Variants in ZNF277 observed in about 807,000 individuals in gnomAD.
ZNF277 encodes the protein zinc finger protein 277, also known as nuclear receptor-interacting factor 4.
In ZNF277, 55 loss-of-function variants were observed where a neutral mutation model predicts 60.7. The ratio of observed to expected loss-of-function variants is 0.91; its 90% confidence interval spans 0.73 to 1.13. ZNF277 has a LOEUF of 1.13. Ranked by LOEUF, ZNF277 falls within the 50% of genes most tolerant of loss-of-function variation. The pLI, the probability that ZNF277 is intolerant of heterozygous loss-of-function variation, is 0.00. For synonymous variants in ZNF277, 178 were observed against 179.3 expected (o/e 0.99, Z 0.06); for missense variants, 510 against 523.0 (o/e 0.98, Z 0.24).
chr7:112,329,085 A>G (rs890321454), intron 6 of ZNF277, among the ~76,000 whole-genome samples: 7 of 152,314 alleles, frequency 4.6e-5, no homozygotes, highest in African/African-American at 1.7e-4. Flanking sequence ...ATTGTCAACT[A>G]TAAAAGAATA....
At chr7:112,329,519 G>GTT (rs1793176044) in intron 6 of ZNF277, among the ~76,000 whole-genome samples, 1 of 152,088 alleles carries the variant, frequency 6.6e-6, no homozygotes. Flanking sequence ...ATAGTGCATA[G>GTT]TAAGTGCTCA....
intron 1 of ZNF277, among the ~76,000 whole-genome samples, chr7:112,269,092 TGTTAGTC>T (rs1236219318): frequency 2.0e-5 from 3 of 152,180 alleles, no homozygotes; most frequent in Non-Finnish European, 4.4e-5. Context: ...AATTGCCTCT[TGTTAGTC>T]ATTAGTATAG....
intron 1 of ZNF277, among the ~76,000 whole-genome samples, chr7:112,221,739 G>A (rs1207317987): frequency 4.6e-5 from 7 of 152,066 alleles, no homozygotes. Context: ...AGAGTCTAAT[G>A]CTGACACTAA....
chr7:112,214,276 A>G (rs902657109), intron 1 of ZNF277, among the ~76,000 whole-genome samples: 1 of 152,248 alleles, frequency 6.6e-6, no homozygotes, highest in African/African-American at 2.4e-5. Flanking sequence ...TATAGAAACA[A>G]GCAATGTGCA....
chr7:112,291,117 A>G (rs543802136), intron 2 of ZNF277, among the ~76,000 whole-genome samples: 9 of 152,308 alleles, frequency 5.9e-5, no homozygotes, highest in African/African-American at 1.9e-4. Context: ...AAATCTTTCC[A>G]TTGAGTCCAT....
chr7:112,235,936 G>A (rs1370623722), intron 1 of ZNF277, among the ~76,000 whole-genome samples: 1 of 151,862 alleles, frequency 6.6e-6, no homozygotes, highest in Non-Finnish European at 1.5e-5. Context: ...GATCAGTTTT[G>A]AGTTAATTTT....
At chr7:112,235,670 C>A (rs1822468608) in intron 1 of ZNF277, among the ~76,000 whole-genome samples, 3 of 151,902 alleles carry the variant, frequency 2.0e-5, no homozygotes, top group African/African-American at 7.2e-5. Flanking sequence ...TGTATCAGTT[C>A]TATGATTTTC....
chr7:112,220,337 T>C (rs1446308900), intron 1 of ZNF277, among the ~76,000 whole-genome samples: 10 of 152,104 alleles, frequency 6.6e-5, no homozygotes, highest in Non-Finnish European at 1.5e-4. Context: ...TTAATTCGTA[T>C]GTTAGTGTAT....
intron 1 of ZNF277, among the ~76,000 whole-genome samples, chr7:112,218,577 CT>C (rs1001385870): frequency 6.6e-6 from 1 of 152,076 alleles, no homozygotes; most frequent in African/African-American, 2.4e-5. Flanking sequence ...GAACTTTTTC[CT>C]GACTGAAATT....
chr7:112,305,165 G>C (rs1198567942), intron 4 of ZNF277, among the ~76,000 whole-genome samples: 2 of 152,118 alleles, frequency 1.3e-5, no homozygotes, highest in African/African-American at 4.8e-5. Context: ...GCTGAGGCGA[G>C]AGAATCGCTT....
chr7:112,300,079 TAAAC>T (rs571310273), intron 4 of ZNF277, among the ~76,000 whole-genome samples: 90 of 152,330 alleles, frequency 5.9e-4, no homozygotes, highest in Middle Eastern at 3.4e-3. Context: ...AACCTCATTT[TAAAC>T]AAACAGACAA....
intron 2 of ZNF277, among the ~76,000 whole-genome samples, chr7:112,291,621 G>A (rs1336256724): frequency 6.7e-6 from 1 of 150,222 alleles, no homozygotes; most frequent in Non-Finnish European, 1.5e-5. Flanking sequence ...GTTCTAGTGA[G>A]TGGGAAAAAA....
intron 1 of ZNF277, among the ~76,000 whole-genome samples, chr7:112,270,525 G>A (rs1355998833): frequency 6.6e-6 from 1 of 152,040 alleles, no homozygotes; most frequent in Non-Finnish European, 1.5e-5. Flanking sequence ...AAATACATAT[G>A]AACCAATACA....
intron 7 of ZNF277, among the ~76,000 whole-genome samples, chr7:112,334,689 C>T (rs560338026): frequency 3.5e-4 from 54 of 152,178 alleles, no homozygotes; most frequent in African/African-American, 1.2e-3. Context: ...ACTTTTGGCT[C>T]AAAATATTCA....
chr7:112,286,959 T>C lies in ZNF277; in HGVS notation c.178T>C (p.Cys60Arg), dbSNP rs750759129. ...TTLEGSPSVP[C>R]IFCEEHFPVA... Reference sequence around the variant, plus strand: ...TTTAGAAGGTTCTCCATCTGTGCCTTGTATTTTCTGTGAAGAACATTTTCC... The same window carrying C: ...TTTAGAAGGTTCTCCATCTGTGCCTCGTATTTTCTGTGAAGAACATTTTCC... The change falls in exon 2 of 12, where the codon TGT becomes CGT. Residue 60 changes from cysteine to arginine, a missense_variant. Transcript: ENST00000361822. 8 of 1,613,658 alleles carry C rather than the reference T, an allele frequency of 5.0e-6. No homozygotes were observed.
chr7:112,257,894 A>G (rs1266645326), intron 1 of ZNF277, among the ~76,000 whole-genome samples: 1 of 151,866 alleles, frequency 6.6e-6, no homozygotes, highest in Non-Finnish European at 1.5e-5. Context: ...ACTCACAGCA[A>G]CCCCGAACTC....
chr7:112,275,913 A>G (rs960609771), intron 1 of ZNF277, among the ~76,000 whole-genome samples: 3 of 152,212 alleles, frequency 2.0e-5, no homozygotes, highest in Admixed American at 2.0e-4. Context: ...GTAGTTTGAA[A>G]CTAAGAAATG....
At chr7:112,299,452 G>C (rs1792424412) in intron 4 of ZNF277, among the ~76,000 whole-genome samples, 1 of 152,108 alleles carries the variant, frequency 6.6e-6, no homozygotes, top group African/African-American at 2.4e-5. Flanking sequence ...ATTTCTGAGA[G>C]GCACTTTCTC....
In ZNF277 at chr7:112,286,849, T is replaced by TTTTTTTTTG; in HGVS notation, c.92-16_92-15insGTTTTTTTT. ...TCAGCTTTTCTTTCTTTCTTTTTTT[T>TTTTTTTTTG]TTTTTTTTTTTGGTCTATTCCAGAC... is the stretch of plus-strand genomic sequence containing the variant. On this transcript the variant is annotated intron_variant, in intron 1 of 11. Transcript: ENST00000361822. 2.9e-6 allele frequency: 4 copies of TTTTTTTTTG among 1,356,332 alleles called. No homozygotes were observed. The South Asian group carries it at 5.4e-5, about 18-fold the overall frequency. 84.0% of individuals were successfully genotyped at this position (1,356,332 alleles called of 1,614,324 possible).
Sources: gnomAD v4.1 joint callset for allele counts (sites outside exome capture counted in the v4.1 genomes callset) on GRCh38, gnomAD v4.1.1 for gene constraint, MANE v1.5 for transcripts, NCBI Gene and HGNC (gene_info 2026-07-23, HGNC 2026-07-21) for gene names.